Variants in NUMB observed in about 807,000 individuals in gnomAD.
The protein encoded by NUMB is protein numb homolog.
A neutral mutation model predicts 59.7 loss-of-function variants in NUMB; 29 were observed. The ratio of observed to expected loss-of-function variants is 0.49; its 90% CI spans 0.36 to 0.66. The LOEUF (loss-of-function observed/expected upper bound fraction) is 0.66, where lower values mean the gene tolerates loss of function less well. Among genes scored for constraint, NUMB ranks in the 30% least tolerant of loss-of-function variants. The pLI is 0.00. For synonymous variants in NUMB, 288 were observed against 288.2 expected (o/e 1.00, Z 0.01); for missense variants, 723 against 822.0 (o/e 0.88, Z 1.47).
intron 1 of NUMB, among the ~76,000 whole-genome samples, chr14:73,420,406 T>G (rs1435879532): frequency 6.6e-6 from 1 of 152,228 alleles, no homozygotes; most frequent in Non-Finnish European, 1.5e-5. Flanking sequence ...CTGGAAAAGA[T>G]AAGTGTATCA....
chr14:73,392,076 T>C (rs1027574543), intron 2 of NUMB, among the ~76,000 whole-genome samples: 3 of 152,206 alleles, frequency 2.0e-5, no homozygotes, highest in African/African-American at 4.8e-5. Flanking sequence ...ATTACCTTGA[T>C]TCCTGTAGGA....
chr14:73,415,081 A>G lies in NUMB; in HGVS notation c.-232-5013T>C, dbSNP rs544449458. On this transcript the variant is annotated intron_variant, in intron 1 of 12. Transcript: ENST00000555238. ...AGAACAGCTGAATTTCATTACCAAT[A>G]GATGCTCTAACAAACCAACTTCAAA... Among the ~76,000 whole-genome samples the G allele has an allele frequency of 4.6e-5, 7 of 152,360 alleles. No homozygotes were observed. The South Asian group carries it at 1.4e-3, about 32-fold the overall frequency.
chr14:73,402,414 T>C (rs1239275237), intron 2 of NUMB, among the ~76,000 whole-genome samples: 1 of 152,154 alleles, frequency 6.6e-6, no homozygotes, highest in East Asian at 1.9e-4. Flanking sequence ...GCACTGTAGA[T>C]ATATCTAATC....
intron 7 of NUMB, among the ~76,000 whole-genome samples, chr14:73,295,428 T>C (rs980183091): frequency 6.6e-6 from 1 of 152,208 alleles, no homozygotes; most frequent in Non-Finnish European, 1.5e-5. Flanking sequence ...TATAAAACAA[T>C]TAAATACATA....
rs1888699591 is a variant in NUMB, at chr14:73,282,529, T to C, written c.950-24A>G. On this transcript the variant is annotated intron_variant, in intron 10 of 12. Transcript: ENST00000555238. ...CACTGCAAGGCAAACAGAAAATGGC[T>C]CCAGACAGAAAAATGGAATAATCCT... 4 of 1,606,812 alleles carry C rather than the reference T, an allele frequency of 2.5e-6. No individual in the cohort carries two copies. In the South Asian group the frequency reaches 3.3e-5, roughly 13 times the overall value.
intron 2 of NUMB, among the ~76,000 whole-genome samples, chr14:73,386,570 C>A (rs1343384475): frequency 6.6e-6 from 1 of 151,900 alleles, no homozygotes; most frequent in Non-Finnish European, 1.5e-5. Flanking sequence ...GCACATACCA[C>A]AAAGAAAAAA....
At chr14:73,282,337 G>A (rs914907375) in intron 11 of NUMB, 22 bp downstream of exon 11, 2 of 1,613,212 alleles carry the variant, frequency 1.2e-6, no homozygotes, top group East Asian at 4.5e-5. Context: ...GAGAACAGCT[G>A]AGCAGGTCAG....
intron 1 of NUMB, among the ~76,000 whole-genome samples, chr14:73,432,160 G>A (rs1897860718): frequency 6.6e-6 from 1 of 152,002 alleles, no homozygotes; most frequent in South Asian, 2.1e-4. Flanking sequence ...CAGTACGATA[G>A]TACTATATAC....
At chr14:73,436,378 G>A (rs1239961324) in intron 1 of NUMB, among the ~76,000 whole-genome samples, 6 of 152,094 alleles carry the variant, frequency 3.9e-5, no homozygotes, top group Admixed American at 3.9e-4. Flanking sequence ...CCACAGTAGC[G>A]TGATCTCGGC....
At chr14:73,420,962 G>A (rs1036257402) in intron 1 of NUMB, among the ~76,000 whole-genome samples, 2 of 152,026 alleles carry the variant, frequency 1.3e-5, no homozygotes, top group African/African-American at 4.8e-5. Flanking sequence ...GAATATTTTT[G>A]TAAGAGCAAC....
intron 2 of NUMB, among the ~76,000 whole-genome samples, chr14:73,377,057 C>A (rs577870051): frequency 6.6e-6 from 1 of 152,152 alleles, no homozygotes; most frequent in Admixed American, 6.5e-5. Context: ...TAGATATAGA[C>A]CTTAACATCC....
intron 7 of NUMB, among the ~76,000 whole-genome samples, chr14:73,294,950 T>TAAAAA (rs61179657): frequency 4.1e-5 from 1 of 24,386 alleles, no homozygotes. Flanking sequence ...AACCCATCTC[T>TAAAAA]AAAAAAAAAA....
chr14:73,367,556 T>C (rs1372716392), intron 2 of NUMB, among the ~76,000 whole-genome samples: 1 of 151,528 alleles, frequency 6.6e-6, no homozygotes, highest in Non-Finnish European at 1.5e-5. Flanking sequence ...GGACAATCAC[T>C]TGAGCCCAGG....
At chr14:73,355,582 C>A in intron 4 of NUMB, 44 bp downstream of exon 4, 2 of 1,562,218 alleles carry the variant, frequency 1.3e-6, no homozygotes, top group South Asian at 1.2e-5. Flanking sequence ...ACTAGATTGT[C>A]AGTTCTTTTC....
At chr14:73,278,292 C>T (rs1215107981) in intron 12 of NUMB, among the ~76,000 whole-genome samples, 1 of 151,894 alleles carries the variant, frequency 6.6e-6, no homozygotes, top group African/African-American at 2.4e-5. Flanking sequence ...GAGGCCAAGG[C>T]GGGTGGATCA....
At chr14:73,435,184 G>A (rs1595036047) in intron 1 of NUMB, among the ~76,000 whole-genome samples, 2 of 151,946 alleles carry the variant, frequency 1.3e-5, no homozygotes, top group East Asian at 3.8e-4. Context: ...GCAAGGATGT[G>A]GAGCAACTGA....
rs1566756430 is a variant in NUMB, at chr14:73,352,521, TATATATATG to T, written c.126+3096_126+3104del. Among the ~76,000 whole-genome samples, 49 of 24,944 alleles carry T rather than the reference TATATATATG, an allele frequency of 2.0e-3. 3 individuals are homozygous for T. Among genetic ancestry groups the T allele is most frequent in the South Asian group, 3.7e-3 (3 of 808 alleles). 16.4% of individuals were successfully genotyped at this position (24,944 alleles called of 152,430 possible). A position where few individuals can be genotyped will look rare whatever the true frequency, so the allele number is the denominator to read the frequency against. On this transcript the variant is annotated intron_variant, in intron 4 of 12. Transcript: ENST00000555238. ...ATATATATATATATATATATATATA[TATATATATG>T]TTTTTTTTTTTTTTTTTTTTTTGAG...
At chr14:73,448,022 T>C (rs1002184072) in intron 1 of NUMB, among the ~76,000 whole-genome samples, 6 of 152,226 alleles carry the variant, frequency 3.9e-5, no homozygotes, top group Middle Eastern at 3.4e-3. Flanking sequence ...GGTCTCGAAC[T>C]CTGAGCTCAA....
At chr14:73,326,697 A>G (rs1891681371) in intron 4 of NUMB, among the ~76,000 whole-genome samples, 1 of 152,164 alleles carries the variant, frequency 6.6e-6, no homozygotes, top group African/African-American at 2.4e-5. Flanking sequence ...GAAAGTGAGT[A>G]AGAACTTGTA....
Sources: gnomAD v4.1 joint callset for allele counts (sites outside exome capture counted in the v4.1 genomes callset) on GRCh38, gnomAD v4.1.1 for gene constraint, MANE v1.5 for transcripts, NCBI Gene and HGNC (gene_info 2026-07-23, HGNC 2026-07-21) for gene names.